CTNNBL1: variants seen among roughly 807,000 people sequenced by gnomAD.
The protein encoded by CTNNBL1 is catenin beta like 1.
In CTNNBL1, 31 loss-of-function variants were observed where a neutral mutation model predicts 72.7. The observed-to-expected ratio is 0.43, with a 90% CI of 0.32 to 0.58. CTNNBL1 has a LOEUF of 0.58. Among genes scored for constraint, CTNNBL1 ranks in the 20% least tolerant of loss-of-function variants. CTNNBL1 has a pLI of 0.08. For synonymous variants in CTNNBL1, 240 were observed against 267.3 expected (o/e 0.90, Z 1.00); for missense variants, 534 against 725.1 (o/e 0.74, Z 3.03).
intron 1 of CTNNBL1, among the ~76,000 whole-genome samples, chr20:37,724,074 A>C (rs2073063214): frequency 6.6e-6 from 1 of 152,218 alleles, no homozygotes; most frequent in African/African-American, 2.4e-5. Context: ...TTATTCTGAC[A>C]AAAGGTAATA....
chr20:37,831,147 C>T (rs2072205843), intron 11 of CTNNBL1, among the ~76,000 whole-genome samples: 2 of 152,186 alleles, frequency 1.3e-5, no homozygotes, highest in Non-Finnish European at 2.9e-5. Flanking sequence ...TGTAATACAT[C>T]CAGCCCTGCA....
intron 11 of CTNNBL1, among the ~76,000 whole-genome samples, chr20:37,818,279 A>G (rs2072076779): frequency 6.6e-6 from 1 of 152,196 alleles, no homozygotes; most frequent in South Asian, 2.1e-4. Context: ...GGGAGACAGC[A>G]TGCAAATAAT....
chr20:37,765,381 CA>C, intron 6 of CTNNBL1, 91 bp downstream of exon 6: 1 of 806,732 alleles, frequency 1.2e-6, no homozygotes, highest in South Asian at 1.6e-5. Context: ...ATAATAGAGT[CA>C]ATAGCAGGCT....
At chr20:37,710,371 C>T (rs1217340208) in intron 1 of CTNNBL1, among the ~76,000 whole-genome samples, 1 of 152,042 alleles carries the variant, frequency 6.6e-6, no homozygotes, top group East Asian at 1.9e-4. Context: ...CTTTTTTGCC[C>T]ATTCTTTTAA....
chr20:37,735,096 A>C (rs1416942657), intron 2 of CTNNBL1, among the ~76,000 whole-genome samples: 1 of 152,248 alleles, frequency 6.6e-6, no homozygotes, highest in Non-Finnish European at 1.5e-5. Flanking sequence ...TGCTGATAAT[A>C]ACCATAACAG....
Position 37,767,892 on chromosome 20 carries a change from A to G in CTNNBL1, c.659-61A>G, listed in dbSNP as rs181890800. The G allele has an allele frequency of 2.7e-5, 36 of 1,356,034 alleles. No homozygotes were observed. The African/African-American group carries it at 4.1e-4, about 16-fold the overall frequency. The allele number at this position is 1,356,034 out of a possible 1,614,324, so 84.0% of individuals were successfully genotyped here. On this transcript the variant is annotated intron_variant, in intron 6 of 15. Coordinates refer to ENST00000361383, the MANE Select transcript of CTNNBL1 (RefSeq NM_030877.5). ...AATAACATGCCTGTCATGGGAAGCA[A>G]GCTTGTTGCAGATGGAAACAAAGTT... is the stretch of plus-strand genomic sequence containing the variant.
At chr20:37,824,894 A>G (rs1357372246) in intron 11 of CTNNBL1, among the ~76,000 whole-genome samples, 1 of 152,224 alleles carries the variant, frequency 6.6e-6, no homozygotes, top group Non-Finnish European at 1.5e-5. Context: ...GGAAGGGCAG[A>G]AGGACACGTG....
chr20:37,863,013 G>A (rs1326404543), intron 15 of CTNNBL1, among the ~76,000 whole-genome samples: 1 of 152,116 alleles, frequency 6.6e-6, no homozygotes, highest in Non-Finnish European at 1.5e-5. Context: ...TGTCTGCCTT[G>A]TTCACTGTGT....
rs1032230923 is a variant in CTNNBL1, at chr20:37,790,134, A to T, written c.1031+10799A>T. Among the ~76,000 whole-genome samples, 6 of 152,212 alleles carry T rather than the reference A, an allele frequency of 3.9e-5. No homozygotes were observed. The East Asian group carries it at 1.2e-3, about 29-fold the overall frequency. ...GATAAAGAAAACAAATAAAATGGCA[A>T]TGGTATAATATGTGCAGAGTAAGTT... On this transcript the variant is annotated intron_variant, in intron 10 of 15. Transcript: ENST00000361383.
chr20:37,833,306 T>C (rs2072227244), intron 11 of CTNNBL1, among the ~76,000 whole-genome samples: 1 of 152,192 alleles, frequency 6.6e-6, no homozygotes, highest in African/African-American at 2.4e-5. Flanking sequence ...CTAATCATCC[T>C]TGAGAAGCCC....
At chr20:37,819,127 G>A (rs1316349008) in intron 11 of CTNNBL1, among the ~76,000 whole-genome samples, 4 of 152,156 alleles carry the variant, frequency 2.6e-5, no homozygotes, top group African/African-American at 4.8e-5. Context: ...CTTGACAAAA[G>A]TGCATTGTCA....
intron 7 of CTNNBL1, among the ~76,000 whole-genome samples, chr20:37,775,167 A>G (rs1026665266): frequency 4.6e-5 from 7 of 152,218 alleles, no homozygotes; most frequent in Non-Finnish European, 1.5e-5. Context: ...GCCATTTGAG[A>G]AGATAATACA....
At chr20:37,780,636 G>C (rs2073617753) in intron 10 of CTNNBL1, among the ~76,000 whole-genome samples, 2 of 152,058 alleles carry the variant, frequency 1.3e-5, no homozygotes, top group African/African-American at 2.4e-5. Context: ...TTCTTCTGTT[G>C]TTGGCATTGA....
At chr20:37,745,998 G>A (rs974322582) in intron 3 of CTNNBL1, among the ~76,000 whole-genome samples, 1 of 152,188 alleles carries the variant, frequency 6.6e-6, no homozygotes, top group South Asian at 2.1e-4. Context: ...GAGGAAGAGG[G>A]AGGGCATTTT....
chr20:37,694,571 TC>T (rs1245394334), intron 1 of CTNNBL1, among the ~76,000 whole-genome samples: 1 of 151,876 alleles, frequency 6.6e-6, no homozygotes, highest in Non-Finnish European at 1.5e-5. Flanking sequence ...GACAAGTCAT[TC>T]CCCCCCTCTT....
chr20:37,696,332 T>G (rs2072790953), intron 1 of CTNNBL1, among the ~76,000 whole-genome samples: 1 of 152,182 alleles, frequency 6.6e-6, no homozygotes, highest in Admixed American at 6.5e-5. Flanking sequence ...GCACATGTGA[T>G]TATTGAATAC....
chr20:37,764,942 A>G (rs1882020145), intron 5 of CTNNBL1, among the ~76,000 whole-genome samples: 1 of 152,092 alleles, frequency 6.6e-6, no homozygotes, highest in African/African-American at 2.4e-5. Context: ...TTAACCTTGA[A>G]TTTTACTTTG....
At chr20:37,744,808 A>G (rs896516808) in intron 3 of CTNNBL1, 12 of 152,226 alleles carry the variant, frequency 7.9e-5, no homozygotes, top group East Asian at 1.9e-4. Flanking sequence ...ACTATATACT[A>G]TATAGGCTTA....
At chr20:37,860,094 G>A in intron 14 of CTNNBL1, 58 bp downstream of exon 14, 2 of 1,534,114 alleles carry the variant, frequency 1.3e-6, no homozygotes, top group Non-Finnish European at 1.8e-6. Flanking sequence ...CTCGCCAGCT[G>A]CTTAGGTGGA....
Sources: gnomAD v4.1 joint callset for allele counts (sites outside exome capture counted in the v4.1 genomes callset) on GRCh38, gnomAD v4.1.1 for gene constraint, MANE v1.5 for transcripts, NCBI Gene and HGNC (gene_info 2026-07-23, HGNC 2026-07-21) for gene names.